PPARGC1A: variants seen among roughly 807,000 people sequenced by gnomAD.
PPARGC1A encodes peroxisome proliferator-activated receptor gamma coactivator 1-alpha.
PPARGC1A carries 25 observed loss-of-function variants against 88.7 expected under a neutral mutation model. That is an observed-to-expected ratio of 0.28 (90% CI 0.21 to 0.39). The LOEUF (loss-of-function observed/expected upper bound fraction) is 0.39. Ranked by LOEUF, PPARGC1A falls within the 10% of genes least tolerant of loss-of-function variation. PPARGC1A has a pLI of 1.00. For synonymous variants in PPARGC1A, 363 were observed against 355.6 expected, an observed-to-expected ratio of 1.02 and a Z score of -0.24; for missense variants, 880 against 968.7, an observed-to-expected ratio of 0.91 and a Z score of 1.22.
chr4:24,199,806 C>G, the PPARGC1A span, among the ~76,000 whole-genome samples: 3 of 152,142 alleles, frequency 2.0e-5, no homozygotes, highest in African/African-American at 7.2e-5. Context: ...GACAATTGAT[C>G]AATATCTAGT....
At chr4:23,884,711 A>T in intron 2 of PPARGC1A, 41 bp downstream of exon 2, 1 of 1,572,390 alleles carries the variant, frequency 6.4e-7, no homozygotes, top group Non-Finnish European at 8.7e-7. Context: ...GGCCCAAGCC[A>T]AACTCAATGA....
upstream of PPARGC1A, among the ~76,000 whole-genome samples, chr4:23,908,855 T>C (rs1720390563): frequency 6.6e-6 from 1 of 152,174 alleles, no homozygotes. Context: ...TGGGAATGTG[T>C]GTATCTGCAA....
chr4:24,241,335 T>C, the PPARGC1A span, among the ~76,000 whole-genome samples: 1 of 152,208 alleles, frequency 6.6e-6, no homozygotes, highest in Non-Finnish European at 1.5e-5. Context: ...TCTAGCTCTT[T>C]TCTGGCAGCC....
At chr4:24,171,423 G>T in the PPARGC1A span, among the ~76,000 whole-genome samples, 1 of 151,350 alleles carries the variant, frequency 6.6e-6, no homozygotes, top group Non-Finnish European at 1.5e-5. Flanking sequence ...AAAGTGTCCC[G>T]TGCCCATCTT....
the PPARGC1A span, among the ~76,000 whole-genome samples, chr4:24,172,383 A>C: frequency 4.1e-4 from 63 of 152,358 alleles, no homozygotes; most frequent in African/African-American, 1.5e-3. Flanking sequence ...TTTACTGAGC[A>C]TCTACTTTGT....
chr4:24,376,740 A>G, the PPARGC1A span, among the ~76,000 whole-genome samples: 1 of 152,208 alleles, frequency 6.6e-6, no homozygotes, highest in African/African-American at 2.4e-5. Flanking sequence ...AGCTGCACGA[A>G]GTACCAGACA....
upstream of PPARGC1A, chr4:23,890,217 T>TAA (rs35965035): frequency 1.8e-5 from 6 of 329,088 alleles, no homozygotes; most frequent in East Asian, 1.1e-4. Context: ...AGTAACGCTT[T>TAA]AAAAAAAAAA....
the PPARGC1A span, among the ~76,000 whole-genome samples, chr4:24,281,754 C>A: frequency 6.6e-6 from 1 of 152,030 alleles, no homozygotes; most frequent in Non-Finnish European, 1.5e-5. Flanking sequence ...TTTCTTCCCC[C>A]CCACCCCCAA....
chr4:24,181,566 A>G, the PPARGC1A span, among the ~76,000 whole-genome samples: 1 of 152,084 alleles, frequency 6.6e-6, no homozygotes, highest in African/African-American at 2.4e-5. Flanking sequence ...GGTGCCACAG[A>G]CTCTATCCAG....
At chr4:24,044,090 T>C in the PPARGC1A span, among the ~76,000 whole-genome samples, 1 of 152,188 alleles carries the variant, frequency 6.6e-6, no homozygotes, top group Non-Finnish European at 1.5e-5. Flanking sequence ...ACACTACCAC[T>C]AATTGCATTC....
At chr4:23,819,353 A>C (rs1044143026) in intron 7 of PPARGC1A, among the ~76,000 whole-genome samples, 1 of 152,136 alleles carries the variant, frequency 6.6e-6, no homozygotes, top group African/African-American at 2.4e-5. Flanking sequence ...CCTCCAGTAC[A>C]TTTTAAGTAT....
chr4:24,174,423 C>A, the PPARGC1A span, among the ~76,000 whole-genome samples: 3 of 152,274 alleles, frequency 2.0e-5, no homozygotes, highest in South Asian at 6.2e-4. Flanking sequence ...TTACAAGCAT[C>A]CCAGGTGATT....
chr4:23,976,083 C>G, the PPARGC1A span, among the ~76,000 whole-genome samples: 1 of 152,090 alleles, frequency 6.6e-6, no homozygotes, highest in Non-Finnish European at 1.5e-5. Flanking sequence ...TCTCGCCATA[C>G]AAGTAAGTCA....
At chr4:24,284,443 C>A in the PPARGC1A span, among the ~76,000 whole-genome samples, 2 of 152,222 alleles carry the variant, frequency 1.3e-5, no homozygotes, top group African/African-American at 4.8e-5. Context: ...CCATTCACTT[C>A]TTCCTAGGGT....
chr4:23,933,840 G>T, the PPARGC1A span, among the ~76,000 whole-genome samples: 1 of 152,180 alleles, frequency 6.6e-6, no homozygotes. Flanking sequence ...CCGCCCAAGT[G>T]GGCAAAGCAA....
chr4:24,442,990 C>T, the PPARGC1A span, among the ~76,000 whole-genome samples: 1 of 152,084 alleles, frequency 6.6e-6, no homozygotes, highest in African/African-American at 2.4e-5. Context: ...ATAATATATT[C>T]CCCTTTTAAA....
the PPARGC1A span, among the ~76,000 whole-genome samples, chr4:24,182,603 C>T: frequency 7.2e-5 from 11 of 152,136 alleles, no homozygotes; most frequent in Non-Finnish European, 1.3e-4. Context: ...AACTAATTTA[C>T]ACTCCCACCA....
the PPARGC1A span, among the ~76,000 whole-genome samples, chr4:24,111,122 C>T: frequency 6.6e-6 from 1 of 152,096 alleles, no homozygotes; most frequent in Non-Finnish European, 1.5e-5. Flanking sequence ...GAGATTATTG[C>T]AAACGTTACT....
rs771687039 is a variant in PPARGC1A at position 23,824,336 on chromosome 4, G to A, written c.821C>T (p.Pro274Leu). The change falls in exon 7 of 13, where the codon CCA (proline) becomes CTA (leucine). Residue 274 changes from proline to leucine, a missense_variant. By Grantham distance (98) the Pro-to-Leu change is moderately conservative. Transcript: ENST00000264867. ...GCGTTCAATAGTCTTGTTCTCAAAT[G>A]GGGAACCCTTGGGGTCACTGGAAGA... ...PESPNDPKGS[P>L]FENKTIERTL... is the part of the protein sequence containing the mutation. 7 of 1,613,366 alleles carry A rather than the reference G, an allele frequency of 4.3e-6. No homozygotes were observed. In the South Asian group the frequency reaches 6.6e-5, roughly 15 times the overall value.
Sources: allele counts gnomAD v4.1 joint callset (sites outside exome capture counted in the v4.1 genomes callset), GRCh38; gene constraint gnomAD v4.1.1; transcripts MANE v1.5; gene names NCBI Gene and HGNC (gene_info 2026-07-23, HGNC 2026-07-21).